Variants in SLC47A1 observed in about 807,000 individuals in gnomAD.
SLC47A1 encodes the protein solute carrier family 47 member 1.
A neutral mutation model predicts 65.8 loss-of-function variants in SLC47A1; 58 were observed. The observed-to-expected ratio is 0.88, with a 90% CI of 0.71 to 1.10. The LOEUF (loss-of-function observed/expected upper bound fraction) is 1.10, where lower values mean the gene tolerates loss of function less well. Ranked by LOEUF, SLC47A1 falls within the 50% of genes least tolerant of loss-of-function variation. SLC47A1 has a pLI of 0.00. For missense variants in SLC47A1, 706 were observed against 719.2 expected, an observed-to-expected ratio of 0.98 and a Z score of 0.21; for synonymous variants, 285 against 295.0, an observed-to-expected ratio of 0.97 and a Z score of 0.35.
At chr17:19,535,595 C>CA (rs1915969159) in intron 1 of SLC47A1, 1 of 151,974 alleles carries the variant, frequency 6.6e-6, no homozygotes, top group Non-Finnish European at 1.5e-5. Context: ...ACTAAAAATA[C>CA]AAAAAATAAA....
chr17:19,562,727 G>T (rs2084322989), intron 12 of SLC47A1, among the ~76,000 whole-genome samples: 1 of 152,092 alleles, frequency 6.6e-6, no homozygotes. Context: ...CTCTGAATCT[G>T]TCCACTTGGG....
intron 6 of SLC47A1, among the ~76,000 whole-genome samples, chr17:19,551,841 G>C (rs1325989549): frequency 6.6e-6 from 1 of 152,238 alleles, no homozygotes; most frequent in Non-Finnish European, 1.5e-5. Context: ...GCTGGGGGCA[G>C]CTCGTCTGGC....
At position 19,533,873 on chromosome 17, in the gene SLC47A1, C is replaced by T. The variant is rs1458319059; in HGVS notation, c.-67C>T. ...GTACCCACTGCCGGCCTGCGCGGTA[C>T]TCACTGCCGGCCTCCGCGGTACCCA... On this transcript the variant is annotated 5_prime_UTR_variant, in exon 1 of 17. Coordinates refer to ENST00000270570, the MANE Select transcript of SLC47A1 (RefSeq NM_018242.3). 3 of 1,369,452 alleles carry T rather than the reference C, an allele frequency of 2.2e-6. No individual in the cohort carries two copies. The highest frequency in any genetic ancestry group is 2.8e-6 in the Non-Finnish European group (3 of 1,056,052). The allele number at this position is 1,369,452 out of a possible 1,614,324, so 84.8% of individuals were successfully genotyped here.
rs548794620 is a variant in SLC47A1 at position 19,560,316 on chromosome 17, C to T, written c.1030+20C>T. The T allele has an allele frequency of 2.5e-5, 41 of 1,608,982 alleles. No homozygotes were observed. Among genetic ancestry groups the T allele is most frequent in the South Asian group, 2.4e-4 (22 of 90,926 alleles). On this transcript the variant is annotated intron_variant, in intron 11 of 16. Transcript: ENST00000270570. ...TTACAGGTGCTGAGACCCCTTTACC[C>T]GAGGCTCTTGGTGCAGTCTCTGCAT...
At position 19,562,345 on chromosome 17, in the gene SLC47A1, C is replaced by T. The variant is rs574365366; in HGVS notation, c.1106+1852C>T. On this transcript the variant is annotated intron_variant, in intron 12 of 16. Coordinates refer to ENST00000270570, the MANE Select transcript of SLC47A1 (RefSeq NM_018242.3). ...TGGGAGGCTGAGGCAGATGGATTGC[C>T]TGAGTTTAGGAGTTCAAGACCAGCT... is the stretch of plus-strand genomic sequence containing the variant. Among the ~76,000 whole-genome samples the T allele has an allele frequency of 1.2e-4, 19 of 152,118 alleles. No individual in the cohort carries two copies. The South Asian group carries it at 4.0e-3, about 32-fold the overall frequency.
chr17:19,559,437 G>A (rs1384756892), intron 10 of SLC47A1, among the ~76,000 whole-genome samples: 5 of 152,218 alleles, frequency 3.3e-5, no homozygotes, highest in South Asian at 2.1e-4. Flanking sequence ...TTGCAGGATC[G>A]TTTGAGCCCA....
At chr17:19,564,469 T>C (rs889258387) in intron 12 of SLC47A1, 3 of 152,172 alleles carry the variant, frequency 2.0e-5, no homozygotes, top group Non-Finnish European at 4.4e-5. Context: ...CATTTGTATT[T>C]GCTTATATTT....
rs139970097 is a variant in SLC47A1 at position 19,551,464 on chromosome 17, A to G, written c.539A>G (p.Asn180Ser). ...ATGTTACAAGTTAAATATTTGCTCA[A>G]CCAGGTAATACTGACTGTTCTCTTC... ...LYMLQVKYLL[N>S]QGIVLPQIVT... The change falls in exon 6 of 17, where the codon AAC (asparagine) becomes AGC (serine). Residue 180 changes from asparagine (N) to serine (S), a missense_variant. Asn to Ser is a conservative substitution (Grantham distance 46, BLOSUM62 1). Transcript: ENST00000270570. 6.8e-6 allele frequency: 11 copies of G among 1,609,528 alleles called. No homozygotes were observed. Among genetic ancestry groups the G allele is most frequent in the Non-Finnish European group, 9.4e-6 (11 of 1,175,874 alleles).
intron 6 of SLC47A1, among the ~76,000 whole-genome samples, chr17:19,553,903 T>A (rs1370125962): frequency 6.6e-6 from 1 of 152,182 alleles, no homozygotes; most frequent in Non-Finnish European, 1.5e-5. Flanking sequence ...CCTGTCTCCA[T>A]CCACTGCCAT....
chr17:19,536,282 A>ATTATTATTAT (rs58716559), intron 1 of SLC47A1, among the ~76,000 whole-genome samples: 1 of 151,470 alleles, frequency 6.6e-6, no homozygotes, highest in Admixed American at 6.6e-5. Context: ...AATAATAATA[A>ATTATTATTAT]CAGGGCAGGT....
intron 10 of SLC47A1, among the ~76,000 whole-genome samples, chr17:19,558,674 G>A (rs143919507): frequency 5.9e-5 from 9 of 152,010 alleles, no homozygotes; most frequent in African/African-American, 2.2e-4. Flanking sequence ...CAAACTCCTG[G>A]GCTCAAGCAA....
rs2084451871 is a variant in SLC47A1, at chr17:19,577,684, A to G, written c.*131A>G. ...CATGGATTTTGAGGGCTGGAAATGC[A>G]AAGACACATTTTTCTATAAAAAGAA... On this transcript the variant is annotated 3_prime_UTR_variant, in exon 17 of 17. Transcript: ENST00000270570. 1.4e-6 allele frequency: 2 copies of G among 1,471,892 alleles called. No homozygotes were observed. Among genetic ancestry groups the G allele is most frequent in the South Asian group, 1.4e-5 (1 of 69,976 alleles). 91.2% of individuals were successfully genotyped at this position (1,471,892 alleles called of 1,614,324 possible). A position where few individuals can be genotyped will look rare whatever the true frequency, so the allele number is the denominator to read the frequency against.
chr17:19,563,620 T>C (rs185584153), intron 12 of SLC47A1, among the ~76,000 whole-genome samples: 5 of 152,094 alleles, frequency 3.3e-5, no homozygotes, highest in African/African-American at 1.2e-4. Flanking sequence ...CTGACAAAGT[T>C]TGCACATAAA....
Position 19,571,512 on chromosome 17 carries a change from T to C in SLC47A1, c.1344T>C (p.Phe448=). Residue 448 remains phenylalanine (F), a synonymous_variant, in exon 15 of 17, where the codon TTT becomes TTC. Transcript: ENST00000270570. ...LWSGIIICTV[F]QAVCFLGFII... ...CAGGGATCATCATCTGTACAGTCTT[T>C]CAAGCTGTGTGTTTTCTAGGCTTTA... 1 of 1,614,122 alleles carries C rather than the reference T, an allele frequency of 6.2e-7. No individual in the cohort carries two copies. The highest frequency in any genetic ancestry group is 1.1e-5 in the South Asian group (1 of 91,058).
chr17:19,560,213 C>T lies in SLC47A1; in HGVS notation c.947C>T (p.Ala316Val). Residue 316 changes from alanine (A) to valine (V), a missense_variant, in exon 11 of 17, where the codon GCC becomes GTC. Coordinates refer to ENST00000270570, the MANE Select transcript of SLC47A1 (RefSeq NM_018242.3). Reference protein sequence around the residue: ...YMVPAGFSVAASVRVGNALGA... With the variant: ...YMVPAGFSVAVSVRVGNALGA... ...GTCCCTGCAGGCTTCAGTGTGGCTG[C>T]CAGTGTCCGGGTAGGAAACGCTCTG... is the stretch of plus-strand genomic sequence containing the variant. The T allele has an allele frequency of 6.2e-7, 1 of 1,612,788 alleles. No homozygotes were observed. The highest frequency in any genetic ancestry group is 8.5e-7 in the Non-Finnish European group (1 of 1,179,800).
Position 19,551,407 on chromosome 17 carries a change from C to G in SLC47A1, c.499-17C>G, listed in dbSNP as rs773638732. ...AAGGCTGAAACATTAACATTCATCT[C>G]TCTTGTTCTCTTGTAGGCAACCTTT... On this transcript the variant is annotated splice_polypyrimidine_tract_variant and intron_variant, in intron 5 of 16. Coordinates refer to ENST00000270570, the MANE Select transcript of SLC47A1 (RefSeq NM_018242.3). 6.3e-6 allele frequency: 10 copies of G among 1,593,686 alleles called. 1 individual carries two copies. Among genetic ancestry groups the G allele is most frequent in the Middle Eastern group, 3.3e-4 (2 of 6,040 alleles).
rs1171452426 is a variant in SLC47A1 at position 19,533,992 on chromosome 17, T to C, written c.53T>C (p.Leu18Pro). ...GTGCGCGGAGGCCCGGAGGCCACCC[T>C]TGAGGTCCGTGGGTCGCGCTGCTTG... ...APVRGGPEAT[L>P]EVRGSRCLRL... The change falls in exon 1 of 17, where the codon CTT becomes CCT. Residue 18 changes from leucine to proline, a missense_variant. By Grantham distance (98) the Leu-to-Pro change is moderately conservative. Transcript: ENST00000270570. 36 of 1,544,334 alleles carry C rather than the reference T, an allele frequency of 2.3e-5. No homozygotes were observed. Among genetic ancestry groups the C allele is most frequent in the Non-Finnish European group, 1.7e-6 (2 of 1,146,832 alleles).
At chr17:19,576,982 G>A (rs2084445506) in intron 16 of SLC47A1, among the ~76,000 whole-genome samples, 1 of 152,012 alleles carries the variant, frequency 6.6e-6, no homozygotes, top group Admixed American at 6.5e-5. Flanking sequence ...CCCAACCTCA[G>A]GTGATCTGCC....
chr17:19,573,401 T>C (rs1238824172), intron 16 of SLC47A1, among the ~76,000 whole-genome samples: 1 of 152,354 alleles, frequency 6.6e-6, no homozygotes, highest in East Asian at 1.9e-4. Context: ...GGCTGATACT[T>C]AGTCAGTGGT....
Sources: allele counts gnomAD v4.1 joint callset (sites outside exome capture counted in the v4.1 genomes callset), GRCh38; gene constraint gnomAD v4.1.1; transcripts MANE v1.5; gene names NCBI Gene and HGNC (gene_info 2026-07-23, HGNC 2026-07-21).